The following DPF3 variants were observed in gnomAD, a reference collection of about 807,000 sequenced individuals.
DPF3 encodes the protein zinc finger protein DPF3.
Under a neutral mutation model 56.8 loss-of-function variants are expected in DPF3, and 18 were observed. That is an observed-to-expected ratio of 0.32 (90% CI 0.22 to 0.47). The LOEUF is 0.47. Among genes scored for constraint, DPF3 ranks in the 20% least tolerant of loss-of-function variants. The probability of loss-of-function intolerance (pLI) is 1.00; values close to 1 mark genes in which losing one functional copy is unlikely to be tolerated. For missense variants in DPF3, 403 were observed against 488.8 expected, an observed-to-expected ratio of 0.82 and a Z score of 1.65; for synonymous variants, 188 against 180.2, an observed-to-expected ratio of 1.04 and a Z score of -0.35.
At chr14:72,743,625 A>G (rs963807565) in intron 3 of DPF3, among the ~76,000 whole-genome samples, 2 of 151,966 alleles carry the variant, frequency 1.3e-5, no homozygotes, top group Non-Finnish European at 2.9e-5. Context: ...AAGGAAAAGA[A>G]AAAGAAAGAA....
rs114436073 is a variant in DPF3, at chr14:72,660,744, T to C, written c.871+13496A>G. ...GCTTTCAATCCATCAATTTTGGCCA[T>C]GGAGAGGGTGATGATGGTGATGGTG... On this transcript the variant is annotated intron_variant, in intron 8 of 10. Coordinates refer to ENST00000556509, the MANE Select transcript of DPF3 (RefSeq NM_001280542.3). Among the ~76,000 whole-genome samples, 1,216 of 152,206 alleles carry C rather than the reference T, an allele frequency of 8.0e-3. 26 individuals are homozygous for C. Among genetic ancestry groups the C allele is most frequent in the African/African-American group, 0.028 (1,157 of 41,536 alleles).
Position 72,771,756 on chromosome 14 carries a change from A to G in DPF3, c.170T>C (p.Met57Thr). Residue 57 changes from methionine (M) to threonine (T), a missense_variant, in exon 2 of 11, where the codon ATG becomes ACG. This residue lies in a region of DPF3 where 340 missense variants were observed against 374.3 expected (regional missense o/e 0.91). Coordinates refer to ENST00000556509, the MANE Select transcript of DPF3 (RefSeq NM_001280542.3). ...ACCTGGGCCTCGGTGCCTCTTCTCCATCCAGATGTAGCAGTTGTTCTGGGC... is the reference window on the plus strand; with the variant it reads ...ACCTGGGCCTCGGTGCCTCTTCTCCGTCCAGATGTAGCAGTTGTTCTGGGC... ...GVAQNNCYIWMEKRHRGPGLA... is the reference protein window; with the variant it reads ...GVAQNNCYIWTEKRHRGPGLA... The G allele has an allele frequency of 6.2e-7, 1 of 1,613,220 alleles. No homozygotes were observed. Among genetic ancestry groups the G allele is most frequent in the Non-Finnish European group, 8.5e-7 (1 of 1,179,532 alleles).
At chr14:72,649,961 T>G (rs540133966) in intron 8 of DPF3, among the ~76,000 whole-genome samples, 2 of 152,246 alleles carry the variant, frequency 1.3e-5, no homozygotes, top group South Asian at 4.2e-4. Context: ...GAAAGACCCT[T>G]CCCCTGACAC....
At chr14:72,801,768 A>G (rs998595225) in intron 1 of DPF3, among the ~76,000 whole-genome samples, 2 of 152,198 alleles carry the variant, frequency 1.3e-5, no homozygotes, top group Non-Finnish European at 2.9e-5. Context: ...ACACTTGGAT[A>G]TGCTGTCCTG....
At chr14:72,801,787 G>A (rs1057320251) in intron 1 of DPF3, among the ~76,000 whole-genome samples, 2 of 152,148 alleles carry the variant, frequency 1.3e-5, no homozygotes, top group Non-Finnish European at 2.9e-5. Flanking sequence ...TGAACACAAG[G>A]CACAAGACAC....
At chr14:72,893,404 C>T (rs1886854278) in intron 1 of DPF3, among the ~76,000 whole-genome samples, 1 of 152,176 alleles carries the variant, frequency 6.6e-6, no homozygotes, top group Non-Finnish European at 1.5e-5. Flanking sequence ...CTCCGAGATC[C>T]GGGGGCTGCC....
At chr14:72,647,334 C>T (rs553527865) in intron 8 of DPF3, among the ~76,000 whole-genome samples, 2 of 152,204 alleles carry the variant, frequency 1.3e-5, no homozygotes, top group African/African-American at 4.8e-5. Flanking sequence ...TTCAGACAGG[C>T]CTGTGATTGT....
intron 8 of DPF3, among the ~76,000 whole-genome samples, chr14:72,636,847 GAGGACAAAGAAGAGAAAGAGAATGGAA>G (rs556701997): frequency 2.0e-4 from 30 of 152,260 alleles, no homozygotes; most frequent in African/African-American, 7.2e-4. Flanking sequence ...GCACTTCAAA[GAGGACAAAGAAGAGAAAGAGAATGGAA>G]AGGACAAATA....
Position 72,864,985 on chromosome 14 carries a change from T to A in DPF3, c.32+29072A>T, listed in dbSNP as rs114732992. The stretch of plus-strand genomic sequence containing the variant: ...GAGGGGAGGGAGGAGCCAAAGATGA[T>A]GCTCAGATTTTTGCTTAGATGACAG... On this transcript the variant is annotated intron_variant, in intron 1 of 10. Coordinates refer to ENST00000556509, the MANE Select transcript of DPF3 (RefSeq NM_001280542.3). 9.7e-3 allele frequency among the ~76,000 whole-genome samples: 1,477 copies of A among 152,270 alleles called. 29 individuals carry two copies. The highest frequency in any genetic ancestry group is 0.034 in the African/African-American group (1,393 of 41,548).
chr14:72,753,182 G>A, intron 3 of DPF3, 82 bp downstream of exon 3: 1 of 1,356,878 alleles, frequency 7.4e-7, no homozygotes, highest in Non-Finnish European at 1.0e-6. Context: ...GGACAAAGGA[G>A]CAAACCAACC....
At chr14:72,893,499 G>C (rs1328694279) in intron 1 of DPF3, among the ~76,000 whole-genome samples, 1 of 152,136 alleles carries the variant, frequency 6.6e-6, no homozygotes, top group Non-Finnish European at 1.5e-5. Flanking sequence ...CGGAAGGTTT[G>C]CACAAACTCC....
At chr14:72,806,263 A>G (rs1448825451) in intron 1 of DPF3, among the ~76,000 whole-genome samples, 1 of 152,030 alleles carries the variant, frequency 6.6e-6, no homozygotes, top group Non-Finnish European at 1.5e-5. Context: ...TTCTTGCCAA[A>G]TCCAGTGGCC....
intron 8 of DPF3, among the ~76,000 whole-genome samples, chr14:72,640,691 T>A (rs992566639): frequency 6.6e-6 from 1 of 152,158 alleles, no homozygotes; most frequent in African/African-American, 2.4e-5. Context: ...ATGATAAAAC[T>A]GTTAGCAGAG....
At chr14:72,851,928 C>T (rs1329247384) in intron 1 of DPF3, among the ~76,000 whole-genome samples, 1 of 152,234 alleles carries the variant, frequency 6.6e-6, no homozygotes, top group Non-Finnish European at 1.5e-5. Flanking sequence ...GACAGCAGAG[C>T]CACTTGATGG....
chr14:72,687,152 G>T (rs972041820), intron 7 of DPF3, among the ~76,000 whole-genome samples: 8 of 152,178 alleles, frequency 5.3e-5, no homozygotes, highest in African/African-American at 1.9e-4. Flanking sequence ...AGGCGTGCTA[G>T]AGCTGGGGCT....
chr14:72,706,617 C>T (rs1358937832), intron 6 of DPF3, among the ~76,000 whole-genome samples: 1 of 152,104 alleles, frequency 6.6e-6, no homozygotes, highest in Non-Finnish European at 1.5e-5. Context: ...CAGAACCACT[C>T]CAAAGTCAGG....
chr14:72,628,081 C>T (rs1426630234), intron 9 of DPF3, among the ~76,000 whole-genome samples: 8 of 152,022 alleles, frequency 5.3e-5, no homozygotes, highest in African/African-American at 1.9e-4. Flanking sequence ...ACTTTGTTAT[C>T]CATTCTTACA....
intron 1 of DPF3, among the ~76,000 whole-genome samples, chr14:72,837,636 G>T (rs891800734): frequency 9.9e-5 from 15 of 152,160 alleles, no homozygotes; most frequent in African/African-American, 3.6e-4. Context: ...TACTTGGGAG[G>T]CTGAGGCAGA....
chr14:72,682,481 G>C (rs560754131), intron 7 of DPF3, among the ~76,000 whole-genome samples: 1 of 152,272 alleles, frequency 6.6e-6, no homozygotes, highest in East Asian at 1.9e-4. Flanking sequence ...AGCTTGGTGT[G>C]TTAGAGCTGG....
Sources: gnomAD v4.1 joint callset for allele counts (sites outside exome capture counted in the v4.1 genomes callset) on GRCh38, gnomAD v4.1.1 for gene constraint, gnomAD v4.1.1 regional missense constraint, MANE v1.5 for transcripts, NCBI Gene and HGNC (gene_info 2026-07-23, HGNC 2026-07-21) for gene names.